Variants in MMP1 observed in about 807,000 individuals in gnomAD.
MMP1 encodes interstitial collagenase.
Under a neutral mutation model 49.6 loss-of-function variants are expected in MMP1, and 51 were observed. That is an observed-to-expected ratio of 1.03 (90% CI 0.82 to 1.30). The LOEUF (loss-of-function observed/expected upper bound fraction) is 1.30, where lower values mean the gene tolerates loss of function less well. Among genes scored for constraint, MMP1 ranks in the 50% most tolerant of loss-of-function variants. The pLI, the probability that MMP1 is intolerant of heterozygous loss-of-function variation, is 0.00. For missense variants in MMP1, 623 were observed against 568.7 expected, an observed-to-expected ratio of 1.10 and a Z score of -0.97; for synonymous variants, 230 against 196.8, an observed-to-expected ratio of 1.17 and a Z score of -1.41.
intron 1 of MMP1, 134 bp from the exon 2 acceptor site, chr11:102,797,634 C>A (rs770144294): frequency 7.7e-6 from 9 of 1,171,154 alleles, no homozygotes; most frequent in Non-Finnish European, 1.1e-5. Context: ...TTGCTTTTAT[C>A]CTTATTTTTG....
Position 102,790,752 on chromosome 11 carries a change from A to G in MMP1, c.1251T>C (p.His417=). 3 of 1,613,678 alleles carry G rather than the reference A, an allele frequency of 1.9e-6. No individual in the cohort carries two copies. Among genetic ancestry groups the G allele is most frequent in the East Asian group, 2.2e-5 (1 of 44,862 alleles). ...CTTTGTGGCCAATTCCAGGAAAGTC[A>G]TGTGCTATCATTTTGGGATAACCTG... ...MDPGYPKMIA[H]DFPGIGHKVD... Residue 417 remains histidine (H), a synonymous_variant, in exon 9 of 10, where the codon CAT becomes CAC. Transcript: ENST00000315274.
chr11:102,790,650 T>C (rs779171271), intron 9 of MMP1, 53 bp downstream of exon 9: 2 of 1,366,864 alleles, frequency 1.5e-6, no homozygotes, highest in Non-Finnish European at 2.1e-6. Flanking sequence ...CTAACAATAA[T>C]GATGTTATTG....
chr11:102,791,073 G>A (rs993942543), intron 8 of MMP1, among the ~76,000 whole-genome samples: 3 of 152,140 alleles, frequency 2.0e-5, no homozygotes, highest in African/African-American at 7.2e-5. Context: ...GTAACTTTTG[G>A]CCAAAGTAGC....
At chr11:102,791,563 C>T (rs1396419702) in intron 7 of MMP1, 68 bp from the exon 8 acceptor site, 6 of 1,565,074 alleles carry the variant, frequency 3.8e-6, no homozygotes, top group East Asian at 2.2e-5. Context: ...GAATTTTCAG[C>T]TAAGTTCTTA....
At position 102,790,513 on chromosome 11, in the gene MMP1, A is replaced by G. The variant is rs1389859409; in HGVS notation, c.1309T>C (p.Tyr437His). 3.8e-6 allele frequency: 6 copies of G among 1,584,738 alleles called. No homozygotes were observed. The highest frequency in any genetic ancestry group is 1.7e-4 in the Middle Eastern group (1 of 5,746). ...TATTGTCTTGTTCCATGAAAGAAATAGAAAAATCCTAGAAACAAAACAAAA... is the reference window on the plus strand; with the variant it reads ...TATTGTCTTGTTCCATGAAAGAAATGGAAAAATCCTAGAAACAAAACAAAA... ...DAVFMKDGFF[Y>H]FFHGTRQYKF... is the part of the protein sequence containing the mutation. Residue 437 changes from tyrosine to histidine, a missense_variant, in exon 10 of 10, where the codon TAT (tyrosine) becomes CAT (histidine). Tyr to His is a moderately conservative substitution (Grantham distance 83, BLOSUM62 2). Transcript: ENST00000315274.
chr11:102,796,600 A>G, intron 4 of MMP1, 64 bp downstream of exon 4: 1 of 1,549,696 alleles, frequency 6.5e-7, no homozygotes, highest in South Asian at 1.2e-5. Context: ...AACTAAATCA[A>G]CCAATATTAC....
chr11:102,795,164 G>T lies in MMP1; in HGVS notation c.899+10C>A. ...CAAATGCAGATCACAAAGAAGAACT[G>T]ACATCTTACCTGTCTTTAAAGAACA... On this transcript the variant is annotated intron_variant, in intron 6 of 9. Transcript: ENST00000315274. The T allele has an allele frequency of 6.3e-7, 1 of 1,581,568 alleles. No individual in the cohort carries two copies. The highest frequency in any genetic ancestry group is 1.1e-5 in the South Asian group (1 of 90,302).
chr11:102,795,265 T>G lies in MMP1; in HGVS notation c.808A>C (p.Ile270Leu), dbSNP rs746320100. The G allele has an allele frequency of 6.2e-7, 1 of 1,614,072 alleles. No homozygotes were observed. Among genetic ancestry groups the G allele is most frequent in the Non-Finnish European group, 8.5e-7 (1 of 1,180,002 alleles). Residue 270 changes from isoleucine to leucine, a missense_variant, in exon 6 of 10, where the codon ATC becomes CTC. Physicochemically the swap from Ile to Leu is conservative, Grantham distance 5. Transcript: ENST00000315274. ...YGRSQNPVQP[I>L]GPQTPKACDS... ...CACGCTTTTGGGGTTTGTGGGCCGA[T>G]GGGCTGGACAGGATTTTGGGAACGT...
At chr11:102,796,450 A>G (rs1858193500) in intron 4 of MMP1, among the ~76,000 whole-genome samples, 1 of 152,222 alleles carries the variant, frequency 6.6e-6, no homozygotes, top group South Asian at 2.1e-4. Context: ...TTTTCTTAAT[A>G]AAAATTTTAG....
Position 102,798,060 on chromosome 11 carries a change from C to G in MMP1, c.33G>C (p.Leu11=). Residue 11 remains leucine, a synonymous_variant, in exon 1 of 10, where the codon CTG becomes CTC. Coordinates refer to ENST00000315274, the MANE Select transcript of MMP1 (RefSeq NM_002421.4). ...AGCTGTGAGACACCACACCCCAGAA[C>G]AGCAGCAGCAGCAGTGGAGGAAAGC... MHSFPPLLLL[L]FWGVVSHSFP... The G allele has an allele frequency of 6.3e-7, 1 of 1,582,522 alleles. No individual in the cohort carries two copies. The highest frequency in any genetic ancestry group is 8.6e-7 in the Non-Finnish European group (1 of 1,160,314).
intron 6 of MMP1, among the ~76,000 whole-genome samples, chr11:102,793,452 C>T (rs1858090314): frequency 6.6e-6 from 1 of 152,196 alleles, no homozygotes. Context: ...CTATGGTTCA[C>T]AGCTAGCTTG....
At chr11:102,797,614 G>A in intron 1 of MMP1, 114 bp from the exon 2 acceptor site, 2 of 1,335,908 alleles carry the variant, frequency 1.5e-6, no homozygotes, top group Non-Finnish European at 2.0e-6. Context: ...CTTGTGTTTA[G>A]ATTTCGCAGT....
intron 1 of MMP1, 45 bp from the exon 2 acceptor site, chr11:102,797,545 C>T (rs755568727): frequency 6.2e-7 from 1 of 1,603,352 alleles, no homozygotes; most frequent in East Asian, 2.2e-5. Flanking sequence ...AAATCTTTCT[C>T]ATTATTCTAA....
At position 102,790,430 on chromosome 11, in the gene MMP1, G is replaced by T; in HGVS notation, c.1392C>A (p.Phe464Leu). Residue 464 changes from phenylalanine to leucine, a missense_variant, in exon 10 of 10, where the codon TTC (phenylalanine) becomes TTA (leucine). Coordinates refer to ENST00000315274, the MANE Select transcript of MMP1 (RefSeq NM_002421.4). ...ILTLQKANSW[F>L]NCRKN ...GTAATGTTCAATTTTTCCTGCAGTT[G>T]AACCAGCTATTAGCTTTCTGGAGAG... 1 of 1,604,368 alleles carries T rather than the reference G, an allele frequency of 6.2e-7. No homozygotes were observed. Among genetic ancestry groups the T allele is most frequent in the South Asian group, 1.1e-5 (1 of 89,994 alleles).
In MMP1 at chr11:102,790,743, A is replaced by T; in HGVS notation, c.1260T>A (p.Pro420=). Residue 420 remains proline, a synonymous_variant, in exon 9 of 10, where the codon CCT becomes CCA. Coordinates refer to ENST00000315274, the MANE Select transcript of MMP1 (RefSeq NM_002421.4). ...CTGCATCAACTTTGTGGCCAATTCC[A>T]GGAAAGTCATGTGCTATCATTTTGG... ...GYPKMIAHDF[P]GIGHKVDAVF... 6.2e-7 allele frequency: 1 copy of T among 1,613,528 alleles called. No homozygotes were observed. The highest frequency in any genetic ancestry group is 8.5e-7 in the Non-Finnish European group (1 of 1,179,498).
At position 102,796,703 on chromosome 11, in the gene MMP1, G is replaced by A; in HGVS notation, c.586C>T (p.His196Tyr). ...QPGPGIGGDAHFDEDERWTNN... is the reference protein window; with the variant it reads ...QPGPGIGGDAYFDEDERWTNN... ...GTCCACCTTTCATCTTCATCAAAATGAGCATCCCCTCCAATACCTGGGCCT... is the reference window on the plus strand; with the variant it reads ...GTCCACCTTTCATCTTCATCAAAATAAGCATCCCCTCCAATACCTGGGCCT... The change falls in exon 4 of 10, where the codon CAT becomes TAT. Residue 196 changes from histidine to tyrosine, a missense_variant. Physicochemically the swap from His to Tyr is moderately conservative, Grantham distance 83. Coordinates refer to ENST00000315274, the MANE Select transcript of MMP1 (RefSeq NM_002421.4). 6.2e-7 allele frequency: 1 copy of A among 1,613,942 alleles called. No homozygotes were observed. The highest frequency in any genetic ancestry group is 8.5e-7 in the Non-Finnish European group (1 of 1,179,930).
Position 102,794,015 on chromosome 11 carries a change from T to C in MMP1, c.899+1159A>G, listed in dbSNP as rs535107011. Among the ~76,000 whole-genome samples the C allele has an allele frequency of 2.0e-5, 3 of 152,334 alleles. No individual in the cohort carries two copies. Among genetic ancestry groups the C allele is most frequent in the African/African-American group, 7.2e-5 (3 of 41,576 alleles). Reference sequence around the variant, plus strand: ...TGGCGACATTTAAATGATCTCTGTGTCCTTTCAATTCTGGCAAATCCTCAA... The same window carrying C: ...TGGCGACATTTAAATGATCTCTGTGCCCTTTCAATTCTGGCAAATCCTCAA... On this transcript the variant is annotated intron_variant, in intron 6 of 9. Coordinates refer to ENST00000315274, the MANE Select transcript of MMP1 (RefSeq NM_002421.4). This position sits in a 1 kb window ranked among gnomAD's most constrained non-coding sequence, Gnocchi z 4.3.
Position 102,790,358 on chromosome 11 carries a change from G to T in MMP1, c.*54C>A. On this transcript the variant is annotated 3_prime_UTR_variant, in exon 10 of 10. Transcript: ENST00000315274. ...ACTGAGAAAATAGACAGTTCTTCAG[G>T]AAAACACCTTCTTTGGACTCACACC... 9.2e-7 allele frequency: 1 copy of T among 1,081,784 alleles called. No individual in the cohort carries two copies. The highest frequency in any genetic ancestry group is 1.4e-5 in the South Asian group (1 of 69,818). The allele number at this position is 1,081,784 out of a possible 1,614,324, so 67.0% of individuals were successfully genotyped here. A position where few individuals can be genotyped will look rare whatever the true frequency, so the allele number is the denominator to read the frequency against.
chr11:102,795,592 C>T lies in MMP1; in HGVS notation c.641G>A (p.Arg214His). 1.9e-6 allele frequency: 3 copies of T among 1,610,906 alleles called. No individual in the cohort carries two copies. The highest frequency in any genetic ancestry group is 2.5e-6 in the Non-Finnish European group (3 of 1,179,198). The change falls in exon 5 of 10, where the codon CGT (arginine) becomes CAT (histidine). Residue 214 changes from arginine (R) to histidine (H), a missense_variant. Transcript: ENST00000315274. The stretch of plus-strand genomic sequence containing the variant: ...ATGGCCGAGTTCATGAGCTGCAACA[C>T]GATGTAAGTTGTACTCTAAAAAGGC... ...TNNFREYNLH[R>H]VAAHELGHSL...
Sources: allele counts gnomAD v4.1 joint callset (sites outside exome capture counted in the v4.1 genomes callset), GRCh38; gene constraint gnomAD v4.1.1; non-coding constraint Gnocchi (gnomAD v3.1); transcripts MANE v1.5; gene names NCBI Gene and HGNC (gene_info 2026-07-23, HGNC 2026-07-21).